Variants in MARK4 observed in about 807,000 individuals in gnomAD.
MARK4 encodes MAP/microtubule affinity-regulating kinase 4.
A neutral mutation model predicts 81.5 loss-of-function variants in MARK4; 19 were observed. The ratio of observed to expected loss-of-function variants is 0.23; its 90% confidence interval spans 0.16 to 0.34. The LOEUF is 0.34. Among genes scored for constraint, MARK4 ranks in the 10% least tolerant of loss-of-function variants. The pLI is 1.00. For missense variants in MARK4, 772 were observed against 1,058.8 expected, an observed-to-expected ratio of 0.73 and a Z score of 3.76; for synonymous variants, 436 against 439.0, an observed-to-expected ratio of 0.99 and a Z score of 0.08.
intron 1 of MARK4, 59 bp from the exon 2 acceptor site, chr19:45,258,930 G>C (rs1970344109): frequency 1.3e-6 from 2 of 1,569,842 alleles, no homozygotes; most frequent in East Asian, 4.5e-5. Context: ...AAGTGCACTA[G>C]CCCACGGGTT....
intron 1 of MARK4, among the ~76,000 whole-genome samples, chr19:45,252,236 G>A (rs556746348): frequency 4.5e-4 from 68 of 152,172 alleles, no homozygotes; most frequent in Middle Eastern, 6.8e-3. Context: ...GCCCTTTTCT[G>A]GCTTCTTCAA....
At chr19:45,278,112 A>G in intron 9 of MARK4, 70 bp downstream of exon 9, 1 of 1,585,694 alleles carries the variant, frequency 6.3e-7, no homozygotes, top group Non-Finnish European at 8.5e-7. Context: ...GCCTGCCCCC[A>G]CCCACAAAAG....
chr19:45,266,255 A>C lies in MARK4; in HGVS notation c.523A>C (p.Lys175Gln), dbSNP rs768910204. ...TTCGGCTGTGCACTATTGTCACCAGAAAAATATTGTACACAGGGACCTGAA... is the reference window on the plus strand; with the variant it reads ...TTCGGCTGTGCACTATTGTCACCAGCAAAATATTGTACACAGGGACCTGAA... ...IVSAVHYCHQ[K>Q]NIVHRDLKAE... The change falls in exon 7 of 17, where the codon AAA becomes CAA. Residue 175 changes from lysine (K) to glutamine (Q), a missense_variant. Physicochemically the swap from Lys to Gln is moderately conservative, Grantham distance 53. Around this residue, in one of 3 missense-constraint regions of MARK4, gnomAD observed 109 missense variants for 294.7 expected, o/e 0.37. Coordinates refer to ENST00000262891, the MANE Select transcript of MARK4 (RefSeq NM_001199867.2). 1.2e-6 allele frequency: 2 copies of C among 1,613,790 alleles called. No homozygotes were observed. Among genetic ancestry groups the C allele is most frequent in the Admixed American group, 3.3e-5 (2 of 59,990 alleles).
intron 2 of MARK4, among the ~76,000 whole-genome samples, chr19:45,260,760 C>G (rs1275870327): frequency 1.3e-5 from 2 of 152,088 alleles, no homozygotes; most frequent in Non-Finnish European, 2.9e-5. Flanking sequence ...TAAACCTGAG[C>G]TGCCTCTCTG....
At position 45,251,567 on chromosome 19, in the gene MARK4, T is replaced by A; in HGVS notation, c.-22T>A. 4.7e-6 allele frequency: 2 copies of A among 429,550 alleles called. No individual in the cohort carries two copies. Among genetic ancestry groups the A allele is most frequent in the East Asian group, 9.9e-5 (1 of 10,088 alleles). The allele number at this position is 429,550 out of a possible 1,614,324, so 26.6% of individuals were successfully genotyped here. ...CCCGCCCCCCCCACCCGGCCGCCCC[T>A]GCCCCCCGGGACCCGGAGAAGATGT... is the stretch of plus-strand genomic sequence containing the variant. On this transcript the variant is annotated 5_prime_UTR_variant, in exon 1 of 17. Coordinates refer to ENST00000262891, the MANE Select transcript of MARK4 (RefSeq NM_001199867.2).
rs564093403 is a variant in MARK4, at chr19:45,296,504, A to C, written c.1599-1172A>C. ...AACTCTTTGTAAAGGCGTCACCCAG[A>C]GATGGTACAGAGCACTTCTGCTTAT... On this transcript the variant is annotated intron_variant, in intron 14 of 16. Transcript: ENST00000262891. Among the ~76,000 whole-genome samples, 5 of 152,348 alleles carry C rather than the reference A, an allele frequency of 3.3e-5. No individual in the cohort carries two copies. In the South Asian group the frequency reaches 1.0e-3, roughly 32 times the overall value.
rs887844373 is a variant in MARK4, at chr19:45,302,826, T to C, written c.*116T>C. The C allele has an allele frequency of 2.1e-5, 30 of 1,422,286 alleles. 1 individual carries two copies. Among genetic ancestry groups the C allele is most frequent in the Non-Finnish European group, 2.7e-5 (29 of 1,071,318 alleles). 88.1% of individuals were successfully genotyped at this position (1,422,286 alleles called of 1,614,324 possible). On this transcript the variant is annotated 3_prime_UTR_variant, in exon 17 of 17. Coordinates refer to ENST00000262891, the MANE Select transcript of MARK4 (RefSeq NM_001199867.2). The surrounding 1 kb of genome is among the most constrained non-coding windows in gnomAD (Gnocchi z 4.9). ...TTATCATCACCTCAGTTTCCCTGAA[T>C]TATATTTGGGGGCAAAGATTGTCCC...
intron 5 of MARK4, 32 bp downstream of exon 5, chr19:45,264,781 G>A (rs769347931): frequency 1.2e-6 from 2 of 1,613,932 alleles, no homozygotes; most frequent in African/African-American, 1.3e-5. Context: ...CCCTGCCCCT[G>A]TGCCACCTCC....
chr19:45,264,613 C>A, intron 4 of MARK4, 71 bp from the exon 5 acceptor site: 1 of 1,443,738 alleles, frequency 6.9e-7, no homozygotes, highest in South Asian at 1.2e-5. Flanking sequence ...GGCACATTTG[C>A]ATAGTTACTG....
chr19:45,297,627 C>T (rs1374550926), intron 14 of MARK4, 49 bp from the exon 15 acceptor site: 1 of 1,274,090 alleles, frequency 7.8e-7, no homozygotes, highest in Non-Finnish European at 1.1e-6. Context: ...GGACTGGGGC[C>T]CTGGCCTGCC....
chr19:45,302,510 C>T lies in MARK4; in HGVS notation c.2059C>T (p.Arg687Cys), dbSNP rs764890978. 7 of 1,601,806 alleles carry T rather than the reference C, an allele frequency of 4.4e-6. No individual in the cohort carries two copies. In the African/African-American group the frequency reaches 9.3e-5, roughly 21 times the overall value. Reference protein sequence around the residue: ...LRQATAAARCRCRQPQPFLLA... With the variant: ...LRQATAAARCCCRQPQPFLLA... Reference sequence around the variant, plus strand: ...CCAGGCCACAGCAGCCGCCCGCTGCCGCTGCCGCCAGCCACAGCCGTTCCT... The same window carrying T: ...CCAGGCCACAGCAGCCGCCCGCTGCTGCTGCCGCCAGCCACAGCCGTTCCT... Residue 687 changes from arginine to cysteine, a missense_variant, in exon 17 of 17, where the codon CGC becomes TGC. Physicochemically the swap from Arg to Cys is radical, Grantham distance 180. This residue lies in a region of MARK4 where 548 missense variants were observed against 624.3 expected (regional missense o/e 0.88). Coordinates refer to ENST00000262891, the MANE Select transcript of MARK4 (RefSeq NM_001199867.2). The surrounding 1 kb of genome is among the most constrained non-coding windows in gnomAD (Gnocchi z 4.9).
In MARK4 at chr19:45,277,956, C is replaced by G. The variant is rs1383296490; in HGVS notation, c.820C>G (p.Arg274Gly). The part of the protein sequence containing the change: ...LRERVLRGKY[R>G]VPFYMSTDCE... The stretch of plus-strand genomic sequence containing the variant: ...GGAGCGAGTACTCAGAGGGAAGTAC[C>G]GGGTCCCTTTCTACATGTCAACAGA... The change falls in exon 9 of 17, where the codon CGG (arginine) becomes GGG (glycine). Residue 274 changes from arginine (R) to glycine (G), a missense_variant. By Grantham distance (125) the Arg-to-Gly change is moderately radical. Coordinates refer to ENST00000262891, the MANE Select transcript of MARK4 (RefSeq NM_001199867.2). 1 of 1,613,288 alleles carries G rather than the reference C, an allele frequency of 6.2e-7. No individual in the cohort carries two copies. The highest frequency in any genetic ancestry group is 8.5e-7 in the Non-Finnish European group (1 of 1,179,896).
chr19:45,294,493 G>A (rs527640359), intron 14 of MARK4, 41 bp downstream of exon 14: 2 of 1,565,090 alleles, frequency 1.3e-6, no homozygotes, highest in Non-Finnish European at 1.8e-6. Flanking sequence ...TGGGAAGTAG[G>A]GGGTAGGTGA....
At chr19:45,266,565 G>A (rs1276715942) in intron 7 of MARK4, among the ~76,000 whole-genome samples, 2 of 152,012 alleles carry the variant, frequency 1.3e-5, no homozygotes, top group Non-Finnish European at 2.9e-5. Flanking sequence ...CTACAGGGCT[G>A]TTGGATAAGG....
chr19:45,298,067 C>T (rs1970913825), intron 15 of MARK4, 113 bp downstream of exon 15: 10 of 1,553,100 alleles, frequency 6.4e-6, no homozygotes, highest in Non-Finnish European at 8.8e-6. Flanking sequence ...TCCTCCTCCT[C>T]CTCCTCCTCG....
intron 2 of MARK4, among the ~76,000 whole-genome samples, chr19:45,261,187 A>T (rs577373897): frequency 6.6e-6 from 1 of 152,300 alleles, no homozygotes; most frequent in East Asian, 1.9e-4. Flanking sequence ...CCAGAGACTA[A>T]AGAAAGAACT....
chr19:45,263,615 G>A (rs1305637568), intron 4 of MARK4, among the ~76,000 whole-genome samples: 1 of 151,938 alleles, frequency 6.6e-6, no homozygotes, highest in Non-Finnish European at 1.5e-5. Flanking sequence ...GGTGGCGGGC[G>A]CCTGTAATCC....
At chr19:45,292,219 C>T (rs1970829147) in intron 13 of MARK4, among the ~76,000 whole-genome samples, 1 of 152,016 alleles carries the variant, frequency 6.6e-6, no homozygotes, top group Non-Finnish European at 1.5e-5. Context: ...GGGAGGATTG[C>T]TTGAGGCCAG....
At chr19:45,253,036 T>C (rs753840136) in intron 1 of MARK4, among the ~76,000 whole-genome samples, 1 of 150,956 alleles carries the variant, frequency 6.6e-6, no homozygotes, top group Admixed American at 6.6e-5. Flanking sequence ...CCTCCCCATC[T>C]CCTGTGTCTC....
Sources: allele counts gnomAD v4.1 joint callset (sites outside exome capture counted in the v4.1 genomes callset), GRCh38; gene constraint gnomAD v4.1.1; regional missense constraint gnomAD v4.1.1; non-coding constraint Gnocchi (gnomAD v3.1); transcripts MANE v1.5; gene names NCBI Gene and HGNC (gene_info 2026-07-23, HGNC 2026-07-21).